Variants in ANAPC4 observed in about 807,000 individuals in gnomAD.
ANAPC4 encodes the protein anaphase-promoting complex subunit 4.
Under a neutral mutation model 119.8 loss-of-function variants are expected in ANAPC4, and 63 were observed. The observed-to-expected ratio is 0.53, with a 90% CI of 0.43 to 0.65. ANAPC4 has a LOEUF of 0.65. Among genes scored for constraint, ANAPC4 ranks in the 30% least tolerant of loss-of-function variants. The pLI, the probability that ANAPC4 is intolerant of heterozygous loss-of-function variation, is 0.00. For synonymous variants in ANAPC4, 283 were observed against 318.6 expected (o/e 0.89, Z 1.19); for missense variants, 716 against 945.1 (o/e 0.76, Z 3.18).
chr4:25,414,930 T>C (rs1723778607), intron 25 of ANAPC4, among the ~76,000 whole-genome samples: 1 of 152,128 alleles, frequency 6.6e-6, no homozygotes, highest in Admixed American at 6.5e-5. Flanking sequence ...TAGGACTTTT[T>C]TTAGAGTTAG....
At chr4:25,395,220 T>A (rs1357662629) in intron 14 of ANAPC4, 1 of 198,114 alleles carries the variant, frequency 5.0e-6, no homozygotes, top group South Asian at 1.4e-4. Context: ...ATTAACATTT[T>A]ACAGTTTACC....
At position 25,417,740 on chromosome 4, in the gene ANAPC4, G is replaced by T. The variant is rs1723964172; in HGVS notation, c.2199+1G>T. On this transcript the variant is annotated splice_donor_variant, in intron 28 of 28. Transcript: ENST00000315368. LOFTEE classifies it high-confidence loss of function. ...TGGTTTTCGAAAAGTGTCCTGTGTGGTAAGTGTTTAGAGATCGTTCAGCAA... is the reference window on the plus strand; with the variant it reads ...TGGTTTTCGAAAAGTGTCCTGTGTGTTAAGTGTTTAGAGATCGTTCAGCAA... The T allele has an allele frequency of 1.2e-6, 2 of 1,607,574 alleles. No individual in the cohort carries two copies. Among genetic ancestry groups the T allele is most frequent in the South Asian group, 1.1e-5 (1 of 89,576 alleles).
At chr4:25,377,851 A>G (rs1294164766) in intron 2 of ANAPC4, among the ~76,000 whole-genome samples, 2 of 152,218 alleles carry the variant, frequency 1.3e-5, no homozygotes, top group Admixed American at 1.3e-4. Flanking sequence ...TTCTTCACTC[A>G]TTGGTTTATT....
intron 4 of ANAPC4, among the ~76,000 whole-genome samples, chr4:25,384,031 T>C (rs1183853691): frequency 6.6e-6 from 1 of 152,236 alleles, no homozygotes. Flanking sequence ...AGAACTTCTT[T>C]CAAAATTAGA....
intron 21 of ANAPC4, 104 bp from the exon 22 acceptor site, chr4:25,413,541 C>G: frequency 1.3e-6 from 1 of 762,466 alleles, no homozygotes; most frequent in Non-Finnish European, 2.0e-6. Context: ...AATTCTACCT[C>G]GAGATAAACT....
intron 8 of ANAPC4, among the ~76,000 whole-genome samples, chr4:25,390,649 T>C (rs1417302926): frequency 1.3e-5 from 2 of 152,190 alleles, no homozygotes; most frequent in Non-Finnish European, 2.9e-5. Context: ...GTAGAAAATA[T>C]TGTAGGCTCT....
At position 25,405,714 on chromosome 4, in the gene ANAPC4, A is replaced by T; in HGVS notation, c.1317+95A>T. On this transcript the variant is annotated intron_variant, in intron 18 of 28. Transcript: ENST00000315368. This position sits in a 1 kb window ranked among gnomAD's most constrained non-coding sequence, Gnocchi z 4.6. ...TGGTACTCTTATTCAGTTATTAGTTAACAGGATGTCAGGATGTAGACGTTA... is the reference window on the plus strand; with the variant it reads ...TGGTACTCTTATTCAGTTATTAGTTTACAGGATGTCAGGATGTAGACGTTA... The T allele has an allele frequency of 8.2e-7, 1 of 1,217,502 alleles. No individual in the cohort carries two copies. The highest frequency in any genetic ancestry group is 2.4e-5 in the East Asian group (1 of 42,396). 75.4% of individuals were successfully genotyped at this position (1,217,502 alleles called of 1,614,324 possible). A position where few individuals can be genotyped will look rare whatever the true frequency, so the allele number is the denominator to read the frequency against.
intron 12 of ANAPC4, 28 bp downstream of exon 12, chr4:25,394,402 T>G: frequency 6.5e-7 from 1 of 1,536,950 alleles, no homozygotes; most frequent in Non-Finnish European, 8.7e-7. Flanking sequence ...GGTGCTCCTG[T>G]TTTTGCTTCT....
Position 25,417,723 on chromosome 4 carries a change from G to A in ANAPC4, c.2183G>A (p.Arg728Gln). The A allele has an allele frequency of 6.2e-7, 1 of 1,611,940 alleles. No homozygotes were observed. The highest frequency in any genetic ancestry group is 1.1e-5 in the South Asian group (1 of 90,654). ...KAQYVAGNGF[R>Q]KVSCVLSSNL... Reference sequence around the variant, plus strand: ...CAGTATGTTGCTGGGAATGGTTTTCGAAAAGTGTCCTGTGTGGTAAGTGTT... The same window carrying A: ...CAGTATGTTGCTGGGAATGGTTTTCAAAAAGTGTCCTGTGTGGTAAGTGTT... Residue 728 changes from arginine (R) to glutamine (Q), a missense_variant, in exon 28 of 29, where the codon CGA becomes CAA. Transcript: ENST00000315368.
chr4:25,414,800 G>A, intron 25 of ANAPC4, 100 bp downstream of exon 25: 2 of 1,129,674 alleles, frequency 1.8e-6, no homozygotes, highest in Non-Finnish European at 2.3e-6. Flanking sequence ...AAACTACTTT[G>A]TGACTTTTAG....
chr4:25,378,958 T>G lies in ANAPC4; in HGVS notation c.129+1402T>G, dbSNP rs116302123. 3.2e-3 allele frequency among the ~76,000 whole-genome samples: 491 copies of G among 152,294 alleles called. 3 individuals carry two copies. The highest frequency in any genetic ancestry group is 0.011 in the African/African-American group (476 of 41,538). On this transcript the variant is annotated intron_variant, in intron 2 of 28. Transcript: ENST00000315368. Reference sequence around the variant, plus strand: ...AAGAGGAGTGATTGTGTTTCTGAACTTTGGGTTCTAACCTGATGAAGGAGG... The same window carrying G: ...AAGAGGAGTGATTGTGTTTCTGAACGTTGGGTTCTAACCTGATGAAGGAGG...
intron 3 of ANAPC4, among the ~76,000 whole-genome samples, chr4:25,381,911 C>T (rs1721751578): frequency 6.6e-6 from 1 of 151,696 alleles, no homozygotes; most frequent in Non-Finnish European, 1.5e-5. Flanking sequence ...CGCACCACTG[C>T]ACTCCAGTGT....
chr4:25,387,337 A>G (rs1247191725), intron 4 of ANAPC4, among the ~76,000 whole-genome samples: 1 of 152,252 alleles, frequency 6.6e-6, no homozygotes, highest in African/African-American at 2.4e-5. Context: ...CTAAGGTAAT[A>G]TCAAATGAAT....
intron 9 of ANAPC4, among the ~76,000 whole-genome samples, chr4:25,391,921 A>G (rs1036974792): frequency 6.6e-6 from 1 of 152,248 alleles, no homozygotes. Context: ...ATTCACTACT[A>G]CTGTGAAGTT....
At chr4:25,415,874 C>T in intron 26 of ANAPC4, 1 of 211,936 alleles carries the variant, frequency 4.7e-6, no homozygotes, top group Non-Finnish European at 9.2e-6. Flanking sequence ...TGAGGTGATG[C>T]CATTCTTAGT....
intron 7 of ANAPC4, 124 bp from the exon 8 acceptor site, chr4:25,390,012 C>T: frequency 1.7e-6 from 1 of 571,910 alleles, no homozygotes; most frequent in Non-Finnish European, 3.0e-6. Flanking sequence ...TGTCTCACTT[C>T]CCTCTGCAGG....
At chr4:25,397,595 C>T (rs1375333314) in intron 16 of ANAPC4, among the ~76,000 whole-genome samples, 1 of 152,150 alleles carries the variant, frequency 6.6e-6, no homozygotes, top group Non-Finnish European at 1.5e-5. Flanking sequence ...GTTTTTTCTC[C>T]TACCCTCACA....
Position 25,416,475 on chromosome 4 carries a change from T to C in ANAPC4, c.1952T>C (p.Val651Ala), listed in dbSNP as rs1363258678. ...TTTTATGATGATGAAACTGTAACAG[T>C]AGTTCTTAAAGACACTGTAGGACGT... ...AQFYDDETVT[V>A]VLKDTVGREG... Residue 651 changes from valine to alanine, a missense_variant, in exon 27 of 29, where the codon GTA becomes GCA. Physicochemically the swap from Val to Ala is moderately conservative, Grantham distance 64. Transcript: ENST00000315368. 6 of 1,596,854 alleles carry C rather than the reference T, an allele frequency of 3.8e-6. No individual in the cohort carries two copies. The highest frequency in any genetic ancestry group is 5.1e-6 in the Non-Finnish European group (6 of 1,168,976).
At chr4:25,394,741 A>T in intron 13 of ANAPC4, 28 bp downstream of exon 13, 1 of 1,604,214 alleles carries the variant, frequency 6.2e-7, no homozygotes, top group Non-Finnish European at 8.5e-7. Context: ...ATGTATTCAA[A>T]TGGCTATGAA....
Sources: allele counts gnomAD v4.1 joint callset (sites outside exome capture counted in the v4.1 genomes callset), GRCh38; gene constraint gnomAD v4.1.1; non-coding constraint Gnocchi (gnomAD v3.1); transcripts MANE v1.5; gene names NCBI Gene and HGNC (gene_info 2026-07-23, HGNC 2026-07-21).